Variants in TIAM1 observed in about 807,000 individuals in gnomAD.
TIAM1 encodes the protein rho guanine nucleotide exchange factor TIAM1.
In TIAM1, 65 loss-of-function variants were observed where a neutral mutation model predicts 163.5. The ratio of observed to expected loss-of-function variants is 0.40; its 90% CI spans 0.33 to 0.49. The LOEUF (loss-of-function observed/expected upper bound fraction) is 0.49, where lower values mean the gene tolerates loss of function less well. Among genes scored for constraint, TIAM1 ranks in the 20% least tolerant of loss-of-function variants. TIAM1 has a pLI of 0.77. For synonymous variants in TIAM1, 833 were observed against 810.1 expected, an observed-to-expected ratio of 1.03 and a Z score of -0.48; for missense variants, 1,789 against 2,044.7, an observed-to-expected ratio of 0.87 and a Z score of 2.41.
At chr21:31,165,434 T>G (rs1258613806) in intron 15 of TIAM1, among the ~76,000 whole-genome samples, 1 of 152,078 alleles carries the variant, frequency 6.6e-6, no homozygotes, top group African/African-American at 2.4e-5. Context: ...ATGGATGAGA[T>G]TAGTGTCATA....
At chr21:31,394,352 A>C (rs1321891897) in intron 2 of TIAM1, among the ~76,000 whole-genome samples, 1 of 152,234 alleles carries the variant, frequency 6.6e-6, no homozygotes, top group Non-Finnish European at 1.5e-5. Context: ...GATGGGGGAA[A>C]GGAGGGATGA....
intron 23 of TIAM1, among the ~76,000 whole-genome samples, chr21:31,134,199 A>G (rs1057294872): frequency 4.6e-5 from 7 of 152,194 alleles, no homozygotes; most frequent in African/African-American, 1.7e-4. Context: ...AACTGAGGGC[A>G]AAGCCATGAA....
chr21:31,473,411 C>A (rs1306828644), intron 1 of TIAM1, among the ~76,000 whole-genome samples: 1 of 101,344 alleles, frequency 9.9e-6, no homozygotes, highest in Admixed American at 1.5e-4. Context: ...GGCTGGGGGA[C>A]AGATCAAGAC....
intron 2 of TIAM1, among the ~76,000 whole-genome samples, chr21:31,430,378 A>G (rs2043983871): frequency 6.6e-6 from 1 of 151,756 alleles, no homozygotes; most frequent in Non-Finnish European, 1.5e-5. Flanking sequence ...ACAAGAGCTA[A>G]GTAAACCCCA....
At chr21:31,372,456 C>A (rs566209901) in intron 2 of TIAM1, among the ~76,000 whole-genome samples, 140 of 152,268 alleles carry the variant, frequency 9.2e-4, no homozygotes, top group South Asian at 6.2e-3. Flanking sequence ...AGGGGGGCAT[C>A]TGTGACCAAC....
At chr21:31,445,701 T>C (rs962932550) in intron 2 of TIAM1, among the ~76,000 whole-genome samples, 3 of 152,102 alleles carry the variant, frequency 2.0e-5, no homozygotes, top group African/African-American at 7.2e-5. Flanking sequence ...CCTTGTAAAA[T>C]TCAAGAGTTT....
At position 31,470,934 on chromosome 21, in the gene TIAM1, C is replaced by A. The variant is rs1020018697; in HGVS notation, c.-421-6899G>T. Among the ~76,000 whole-genome samples, 3 of 152,166 alleles carry A rather than the reference C, an allele frequency of 2.0e-5. No individual in the cohort carries two copies. The South Asian group carries it at 6.2e-4, about 32-fold the overall frequency. On this transcript the variant is annotated intron_variant, in intron 1 of 28. Transcript: ENST00000286827. ...CCACCCCTCCAGCCGCCACCCACCCCCGAGGGGGCAGCTGGGATGGTGCGT... is the reference window on the plus strand; with the variant it reads ...CCACCCCTCCAGCCGCCACCCACCCACGAGGGGGCAGCTGGGATGGTGCGT...
At chr21:31,164,458 TTAC>T (rs1438277307) in intron 16 of TIAM1, among the ~76,000 whole-genome samples, 1 of 152,166 alleles carries the variant, frequency 6.6e-6, no homozygotes, top group Non-Finnish European at 1.5e-5. Flanking sequence ...GAGAACTTTC[TTAC>T]TATGTTCAAC....
At chr21:31,262,767 T>G (rs767353135) in intron 4 of TIAM1, among the ~76,000 whole-genome samples, 10 of 152,208 alleles carry the variant, frequency 6.6e-5, no homozygotes, top group South Asian at 2.1e-4. Flanking sequence ...CTTCCAGGCT[T>G]AGAGGTCATG....
intron 1 of TIAM1, among the ~76,000 whole-genome samples, chr21:31,468,430 C>G (rs1159914407): frequency 3.3e-5 from 5 of 150,584 alleles, no homozygotes; most frequent in Non-Finnish European, 7.4e-5. Flanking sequence ...TTTCAGTGAG[C>G]GAAGATCACA....
chr21:31,323,257 C>T (rs1002949265), intron 2 of TIAM1, among the ~76,000 whole-genome samples: 69 of 150,092 alleles, frequency 4.6e-4, no homozygotes, highest in African/African-American at 1.6e-3. Flanking sequence ...CACTGTACTC[C>T]AGCCTGGGCA....
intron 2 of TIAM1, among the ~76,000 whole-genome samples, chr21:31,450,435 C>T (rs2044786536): frequency 6.6e-6 from 1 of 152,170 alleles, no homozygotes; most frequent in Admixed American, 6.5e-5. Context: ...CTGCCTCCCA[C>T]CCAGATCCGA....
chr21:31,244,151 C>A (rs1471921946), intron 6 of TIAM1, among the ~76,000 whole-genome samples: 1 of 152,186 alleles, frequency 6.6e-6, no homozygotes, highest in African/African-American at 2.4e-5. Context: ...AAAGAAAACA[C>A]AGATGCTTTG....
chr21:31,265,428 T>C (rs1285648024), intron 4 of TIAM1, among the ~76,000 whole-genome samples: 1 of 151,980 alleles, frequency 6.6e-6, no homozygotes, highest in Non-Finnish European at 1.5e-5. Flanking sequence ...ATGTTATTCC[T>C]TCCGCTACAC....
At chr21:31,219,596 T>C (rs1022513880) in intron 8 of TIAM1, among the ~76,000 whole-genome samples, 1 of 152,158 alleles carries the variant, frequency 6.6e-6, no homozygotes. Context: ...CAGGGACCCC[T>C]ACGTACATTA....
intron 1 of TIAM1, among the ~76,000 whole-genome samples, chr21:31,505,185 G>A (rs2046984145): frequency 6.6e-6 from 1 of 152,164 alleles, no homozygotes; most frequent in Admixed American, 6.5e-5. Context: ...GGCCAAGCAA[G>A]CTACTTAACC....
intron 1 of TIAM1, among the ~76,000 whole-genome samples, chr21:31,554,361 A>C (rs539455485): frequency 4.1e-4 from 62 of 152,306 alleles, no homozygotes; most frequent in Admixed American, 7.8e-4. Context: ...TAAATAATAC[A>C]GGTGTTATTT....
rs2071825297 is a variant in TIAM1, at chr21:31,251,855, G to A, written c.1298C>T (p.Thr433Met). Residue 433 changes from threonine (T) to methionine (M), a missense_variant, in exon 5 of 28, where the codon ACG becomes ATG. Thr to Met is a moderately conservative substitution (Grantham distance 81). Around this residue, in one of 5 missense-constraint regions of TIAM1, gnomAD observed 456 missense variants for 586.6 expected, o/e 0.78. Transcript: ENST00000541036. ...SDILLTAAQGTVRKAGALAVK... is the reference protein window; with the variant it reads ...SDILLTAAQGMVRKAGALAVK... ...GGCCAGGGCGCCGGCCTTGCGCACC[G>A]TGCCCTGTGCGGCGGTCAGCAGGAT... is the stretch of plus-strand genomic sequence containing the variant. 6 of 1,613,870 alleles carry A rather than the reference G, an allele frequency of 3.7e-6. No homozygotes were observed. The highest frequency in any genetic ancestry group is 1.1e-5 in the South Asian group (1 of 91,046).
chr21:31,181,038 A>G (rs1197278711), intron 15 of TIAM1, among the ~76,000 whole-genome samples: 1 of 152,264 alleles, frequency 6.6e-6, no homozygotes, highest in Non-Finnish European at 1.5e-5. Context: ...AGAGCCTTCC[A>G]TTTCAGATTT....
Sources: allele counts gnomAD v4.1 joint callset (sites outside exome capture counted in the v4.1 genomes callset), GRCh38; gene constraint gnomAD v4.1.1; regional missense constraint gnomAD v4.1.1; transcripts MANE v1.5; gene names NCBI Gene and HGNC (gene_info 2026-07-23, HGNC 2026-07-21).